LPP: variants seen among roughly 807,000 people sequenced by gnomAD.
LPP encodes LIM domain containing preferred translocation partner in lipoma.
LPP carries 38 observed loss-of-function variants against 60.4 expected under a neutral mutation model. That is an observed-to-expected ratio of 0.63 (90% CI 0.49 to 0.83). The LOEUF is 0.83. Ranked by LOEUF, LPP falls within the 40% of genes least tolerant of loss-of-function variation. LPP has a pLI of 0.00. For synonymous variants in LPP, 328 were observed against 290.8 expected, an observed-to-expected ratio of 1.13 and a Z score of -1.30; for missense variants, 902 against 783.6, an observed-to-expected ratio of 1.15 and a Z score of -1.80.
chr3:188,398,395 T>A (rs1781461532), intron 3 of LPP, among the ~76,000 whole-genome samples: 1 of 152,220 alleles, frequency 6.6e-6, no homozygotes, highest in Non-Finnish European at 1.5e-5. Flanking sequence ...GTCTAGTGCC[T>A]TTTCCAGTTT....
At chr3:188,795,155 A>G (rs747719204) in intron 9 of LPP, among the ~76,000 whole-genome samples, 1 of 152,102 alleles carries the variant, frequency 6.6e-6, no homozygotes, top group Non-Finnish European at 1.5e-5. Flanking sequence ...AAAAACAAAA[A>G]CAAAAGAAGT....
At chr3:188,714,770 T>C (rs1337194268) in intron 8 of LPP, among the ~76,000 whole-genome samples, 1 of 152,196 alleles carries the variant, frequency 6.6e-6, no homozygotes, top group Non-Finnish European at 1.5e-5. Context: ...GTCTCTATAC[T>C]GTGGGCATTT....
rs1332247076 is a variant in LPP at position 188,875,176 on chromosome 3, G to T, written c.*697G>T. 1 of 217,634 alleles carries T rather than the reference G, an allele frequency of 4.6e-6. No homozygotes were observed. Among genetic ancestry groups the T allele is most frequent in the Non-Finnish European group, 9.2e-6 (1 of 108,250 alleles). 13.5% of individuals were successfully genotyped at this position (217,634 alleles called of 1,614,324 possible). The stretch of plus-strand genomic sequence containing the variant: ...CTAATAAGTAGTGACAGACAACCAA[G>T]CTTCAATATTTTTCTAAAGAAATTA... On this transcript the variant is annotated 3_prime_UTR_variant, in exon 12 of 12. Coordinates refer to ENST00000617246, the MANE Select transcript of LPP (RefSeq NM_001375462.1).
intron 6 of LPP, among the ~76,000 whole-genome samples, chr3:188,536,414 A>T (rs949518151): frequency 6.6e-6 from 1 of 152,154 alleles, no homozygotes; most frequent in Non-Finnish European, 1.5e-5. Context: ...TATTTCTGAT[A>T]CTTCTTGACC....
At chr3:188,815,292 T>A (rs1752162855) in intron 9 of LPP, among the ~76,000 whole-genome samples, 1 of 152,196 alleles carries the variant, frequency 6.6e-6, no homozygotes, top group Admixed American at 6.5e-5. Flanking sequence ...GGCATTTCAA[T>A]GAACACACCA....
chr3:188,283,894 T>A (rs1205845834), intron 2 of LPP, among the ~76,000 whole-genome samples: 5 of 151,942 alleles, frequency 3.3e-5, no homozygotes, highest in Non-Finnish European at 7.4e-5. Flanking sequence ...GGAGAATCGC[T>A]TGAACCCAGG....
chr3:188,719,804 C>T (rs1715581130), intron 8 of LPP, among the ~76,000 whole-genome samples: 1 of 152,218 alleles, frequency 6.6e-6, no homozygotes, highest in Admixed American at 6.5e-5. Flanking sequence ...CATCTCCTTA[C>T]AGACTTTGAA....
In LPP at chr3:188,878,759, T is replaced by TAAA. The variant is rs11448997; in HGVS notation, c.*4294_*4296dup. 0.011 allele frequency: 1,764 copies of TAAA among 156,268 alleles called. 11 individuals are homozygous for TAAA. The highest frequency in any genetic ancestry group is 0.024 in the South Asian group (103 of 4,242). The allele number at this position is 156,268 out of a possible 1,614,324, so 9.7% of individuals were successfully genotyped here. A position where few individuals can be genotyped will look rare whatever the true frequency, so the allele number is the denominator to read the frequency against. The stretch of plus-strand genomic sequence containing the variant: ...ATATACTCACCAAAAAGTAAAAAAG[T>TAAA]AAAAAAAAAAAAAAAAGAAAGAAAG... On this transcript the variant is annotated 3_prime_UTR_variant, in exon 12 of 12. Coordinates refer to ENST00000617246, the MANE Select transcript of LPP (RefSeq NM_001375462.1).
intron 3 of LPP, among the ~76,000 whole-genome samples, chr3:188,400,816 G>A (rs1156375468): frequency 6.6e-6 from 1 of 152,166 alleles, no homozygotes; most frequent in Non-Finnish European, 1.5e-5. Flanking sequence ...GGGGAAGTAA[G>A]AGCAGTGTAA....
chr3:188,811,505 G>T (rs1025916426), intron 9 of LPP, among the ~76,000 whole-genome samples: 1 of 151,702 alleles, frequency 6.6e-6, no homozygotes, highest in Non-Finnish European at 1.5e-5. Flanking sequence ...TAGTGCGTAA[G>T]AATTGGATTA....
chr3:188,380,038 T>C (rs1244210274), intron 3 of LPP, among the ~76,000 whole-genome samples: 1 of 152,212 alleles, frequency 6.6e-6, no homozygotes, highest in Non-Finnish European at 1.5e-5. Flanking sequence ...TAGAGATGTG[T>C]ATTTTTCTCC....
At chr3:188,834,146 C>G (rs1757752249) in intron 9 of LPP, among the ~76,000 whole-genome samples, 1 of 152,062 alleles carries the variant, frequency 6.6e-6, no homozygotes, top group Non-Finnish European at 1.5e-5. Flanking sequence ...CCCCTTTGGT[C>G]TGAATGTTTT....
intron 9 of LPP, among the ~76,000 whole-genome samples, chr3:188,825,854 C>A (rs1277576576): frequency 6.6e-6 from 1 of 152,122 alleles, no homozygotes; most frequent in Non-Finnish European, 1.5e-5. Context: ...GACTGAGGCA[C>A]AGAGATGTCC....
chr3:188,175,687 T>A (rs116824100), intron 1 of LPP, among the ~76,000 whole-genome samples: 1 of 152,154 alleles, frequency 6.6e-6, no homozygotes, highest in Non-Finnish European at 1.5e-5. Flanking sequence ...GGCTTTATAC[T>A]AAAAAGAGAT....
chr3:188,329,229 C>T (rs1318373988), intron 2 of LPP, among the ~76,000 whole-genome samples: 2 of 152,164 alleles, frequency 1.3e-5, no homozygotes, highest in African/African-American at 4.8e-5. Flanking sequence ...AAGATGGCAG[C>T]ACAAGTTAGT....
chr3:188,591,073 C>T (rs1838601225), intron 6 of LPP, among the ~76,000 whole-genome samples: 1 of 152,156 alleles, frequency 6.6e-6, no homozygotes, highest in Admixed American at 6.5e-5. Context: ...CCTCCACAGC[C>T]AGAGGATTAC....
chr3:188,169,793 C>T (rs1721025184), intron 1 of LPP, among the ~76,000 whole-genome samples: 1 of 152,152 alleles, frequency 6.6e-6, no homozygotes, highest in South Asian at 2.1e-4. Context: ...GGCCACGAAC[C>T]TCCCACAGCC....
chr3:188,457,870 C>A (rs540474981), intron 4 of LPP, among the ~76,000 whole-genome samples: 2 of 152,084 alleles, frequency 1.3e-5, no homozygotes, highest in Non-Finnish European at 2.9e-5. Context: ...GATCACGCCC[C>A]TGCACTCCAG....
At chr3:188,805,335 AGAAG>A (rs142280489) in intron 9 of LPP, among the ~76,000 whole-genome samples, 1,859 of 152,060 alleles carry the variant, frequency 0.012, 16 homozygotes, top group Non-Finnish European at 0.02. Flanking sequence ...TTTCTTTGTT[AGAAG>A]GCTTTAATCT....
Sources: allele counts gnomAD v4.1 joint callset (sites outside exome capture counted in the v4.1 genomes callset), GRCh38; gene constraint gnomAD v4.1.1; transcripts MANE v1.5; gene names NCBI Gene and HGNC (gene_info 2026-07-23, HGNC 2026-07-21).